Variants in KHDRBS3 observed in about 807,000 individuals in gnomAD.
KHDRBS3 encodes the protein KH RNA binding domain containing, signal transduction associated 3.
A neutral mutation model predicts 45.6 loss-of-function variants in KHDRBS3; 23 were observed. That is an observed-to-expected ratio of 0.50 (90% CI 0.36 to 0.72). The LOEUF is 0.72. Ranked by LOEUF, KHDRBS3 falls within the 30% of genes least tolerant of loss-of-function variation. KHDRBS3 has a pLI of 0.00. For missense variants in KHDRBS3, 352 were observed against 424.8 expected, an observed-to-expected ratio of 0.83 and a Z score of 1.51; for synonymous variants, 162 against 156.5, an observed-to-expected ratio of 1.04 and a Z score of -0.26.
At chr8:135,587,886 A>G (rs1828554469) in intron 6 of KHDRBS3, among the ~76,000 whole-genome samples, 1 of 152,182 alleles carries the variant, frequency 6.6e-6, no homozygotes, top group Non-Finnish European at 1.5e-5. Flanking sequence ...TATCTCTGTA[A>G]GATCTTTTTC....
chr8:135,628,676 T>C (rs1830473458), intron 7 of KHDRBS3, among the ~76,000 whole-genome samples: 1 of 152,188 alleles, frequency 6.6e-6, no homozygotes, highest in Admixed American at 6.5e-5. Flanking sequence ...CATCAGATAG[T>C]AGTAGTTGCA....
rs752557939 is a variant in KHDRBS3, at chr8:135,615,364, G to GAC, written c.890+8345_890+8346dup. On this transcript the variant is annotated intron_variant, in intron 7 of 8. Coordinates refer to ENST00000355849, the MANE Select transcript of KHDRBS3 (RefSeq NM_006558.3). ...ATTGACCATCTGCTGTAGTGTATCA[G>GAC]ACACACACACACACACACAACCACC... Among the ~76,000 whole-genome samples, 746 of 149,340 alleles carry GAC rather than the reference G, an allele frequency of 5.0e-3. 10 individuals carry two copies. The highest frequency in any genetic ancestry group is 0.012 in the African/African-American group (483 of 40,258).
At chr8:135,562,016 A>G (rs1179245568) in intron 5 of KHDRBS3, among the ~76,000 whole-genome samples, 1 of 152,210 alleles carries the variant, frequency 6.6e-6, no homozygotes, top group Non-Finnish European at 1.5e-5. Context: ...ATTTTAAAAA[A>G]TTACAGTAAA....
chr8:135,625,990 CT>C, intron 7 of KHDRBS3: 1 of 736,996 alleles, frequency 1.4e-6, no homozygotes, highest in Non-Finnish European at 2.5e-6. Context: ...ATCTTCGGCT[CT>C]TGGCGGAACC....
At chr8:135,498,953 A>G (rs1041151465) in intron 1 of KHDRBS3, among the ~76,000 whole-genome samples, 3 of 152,166 alleles carry the variant, frequency 2.0e-5, no homozygotes, top group African/African-American at 7.2e-5. Context: ...ATTACTGTAC[A>G]TTTGAGTTAG....
intron 5 of KHDRBS3, among the ~76,000 whole-genome samples, chr8:135,570,310 C>T (rs1430509816): frequency 6.6e-6 from 1 of 152,088 alleles, no homozygotes; most frequent in Admixed American, 6.5e-5. Flanking sequence ...AAGATATTAT[C>T]TTTAAAATTG....
intron 5 of KHDRBS3, among the ~76,000 whole-genome samples, chr8:135,572,939 T>G (rs1370713330): frequency 6.6e-6 from 1 of 152,202 alleles, no homozygotes; most frequent in Non-Finnish European, 1.5e-5. Context: ...TCAGAAAAGC[T>G]CTCTCACAGA....
intron 4 of KHDRBS3, among the ~76,000 whole-genome samples, chr8:135,550,424 A>G (rs551128040): frequency 6.6e-6 from 1 of 152,316 alleles, no homozygotes; most frequent in African/African-American, 2.4e-5. Flanking sequence ...GTTAGTCTCT[A>G]AATTTATTTT....
rs1374226431 is a variant in KHDRBS3, at chr8:135,606,950, T to C, written c.808-5T>C. 6.2e-7 allele frequency: 1 copy of C among 1,609,306 alleles called. No homozygotes were observed. Among genetic ancestry groups the C allele is most frequent in the Non-Finnish European group, 8.5e-7 (1 of 1,176,130 alleles). ...TGTTTTTGTACTTCTCCTGTTATGT[T>C]TTAGGACTATGATGATGGATATGGC... On this transcript the variant is annotated splice_region_variant and splice_polypyrimidine_tract_variant and intron_variant, in intron 6 of 8. Coordinates refer to ENST00000355849, the MANE Select transcript of KHDRBS3 (RefSeq NM_006558.3).
intron 7 of KHDRBS3, among the ~76,000 whole-genome samples, chr8:135,620,789 A>G (rs1325504399): frequency 6.6e-6 from 1 of 152,086 alleles, no homozygotes; most frequent in Non-Finnish European, 1.5e-5. Context: ...TCCATGTCCT[A>G]TAAGTACTAA....
At chr8:135,549,359 A>C (rs1225243708) in intron 4 of KHDRBS3, 1 of 152,408 alleles carries the variant, frequency 6.6e-6, no homozygotes, top group East Asian at 1.9e-4. Flanking sequence ...AAACATCAAC[A>C]GATGATTTCA....
At chr8:135,594,942 G>A (rs943673184) in intron 6 of KHDRBS3, among the ~76,000 whole-genome samples, 1 of 152,140 alleles carries the variant, frequency 6.6e-6, no homozygotes, top group Non-Finnish European at 1.5e-5. Flanking sequence ...AATCCTGTAG[G>A]CAAAACCTAA....
chr8:135,623,530 A>AT (rs1158672350), intron 7 of KHDRBS3, among the ~76,000 whole-genome samples: 10 of 151,042 alleles, frequency 6.6e-5, no homozygotes, highest in Non-Finnish European at 1.3e-4. Context: ...GTTGGTATTT[A>AT]TTTTTTTAGG....
At chr8:135,509,328 G>A (rs1406955593) in intron 1 of KHDRBS3, among the ~76,000 whole-genome samples, 3 of 152,158 alleles carry the variant, frequency 2.0e-5, no homozygotes, top group Non-Finnish European at 4.4e-5. Context: ...TGCTGGAACC[G>A]AACTTTAGTT....
At chr8:135,469,294 G>C (rs1173331786) in intron 1 of KHDRBS3, among the ~76,000 whole-genome samples, 3 of 151,942 alleles carry the variant, frequency 2.0e-5, no homozygotes, top group Non-Finnish European at 4.4e-5. Context: ...AGGACCGTCT[G>C]TTTTTTTTGA....
chr8:135,574,192 AGCACG>A (rs1254335632), intron 5 of KHDRBS3, among the ~76,000 whole-genome samples: 1 of 151,396 alleles, frequency 6.6e-6, no homozygotes, highest in Non-Finnish European at 1.5e-5. Flanking sequence ...CCATCATGTT[AGCACG>A]TCACCTCCAT....
In KHDRBS3 at chr8:135,588,272, G is replaced by C. The variant is rs1563789177; in HGVS notation, c.807+6199G>C. 2.0e-5 allele frequency among the ~76,000 whole-genome samples: 3 copies of C among 152,140 alleles called. No homozygotes were observed. The South Asian group carries it at 6.2e-4, about 32-fold the overall frequency. ...GTACTTACTACTGCTAATTTGTTAT[G>C]AAAGGATACAGGTCAGGATCAGTCA... On this transcript the variant is annotated intron_variant, in intron 6 of 8. Coordinates refer to ENST00000355849, the MANE Select transcript of KHDRBS3 (RefSeq NM_006558.3).
intron 1 of KHDRBS3, among the ~76,000 whole-genome samples, chr8:135,473,489 G>A (rs890671847): frequency 3.3e-5 from 5 of 152,096 alleles, no homozygotes; most frequent in African/African-American, 1.2e-4. Context: ...GGTACTCTGA[G>A]GATATGTGTG....
intron 5 of KHDRBS3, among the ~76,000 whole-genome samples, chr8:135,578,702 CT>C (rs1445993904): frequency 2.0e-5 from 3 of 152,094 alleles, no homozygotes; most frequent in Non-Finnish European, 4.4e-5. Context: ...TGTTCTGGGT[CT>C]TTTGCCTTTC....
Sources: allele counts gnomAD v4.1 joint callset (sites outside exome capture counted in the v4.1 genomes callset), GRCh38; gene constraint gnomAD v4.1.1; transcripts MANE v1.5; gene names NCBI Gene and HGNC (gene_info 2026-07-23, HGNC 2026-07-21).